Variants in PTPRD observed in about 807,000 individuals in gnomAD.
PTPRD encodes protein tyrosine phosphatase receptor type D.
PTPRD carries 34 observed loss-of-function variants against 214.5 expected under a neutral mutation model. The observed-to-expected ratio is 0.16, with a 90% CI of 0.12 to 0.21. The LOEUF is 0.21. Among genes scored for constraint, PTPRD ranks in the 10% least tolerant of loss-of-function variants. The pLI is 1.00. For missense variants in PTPRD, 2,545 were observed against 2,398.7 expected (o/e 1.06, Z -1.27); for synonymous variants, 1,128 against 845.7 (o/e 1.33, Z -5.79).
chr9:8,577,433 T>C (rs914065675), intron 14 of PTPRD, among the ~76,000 whole-genome samples: 7 of 152,062 alleles, frequency 4.6e-5, no homozygotes, highest in African/African-American at 1.7e-4. Context: ...AATTGTATTT[T>C]TAGTACAGAC....
intron 3 of PTPRD, among the ~76,000 whole-genome samples, chr9:10,294,882 T>C (rs1183239627): frequency 1.3e-5 from 2 of 151,924 alleles, no homozygotes; most frequent in South Asian, 2.1e-4. Context: ...TAATGGAAAA[T>C]AGGTTTTGGA....
chr9:10,262,173 A>G (rs1459902085), intron 3 of PTPRD, among the ~76,000 whole-genome samples: 1 of 152,156 alleles, frequency 6.6e-6, no homozygotes, highest in Non-Finnish European at 1.5e-5. Flanking sequence ...AGGTGAAATT[A>G]AAAGAAAAAT....
chr9:9,009,842 A>G (rs2099500729), intron 11 of PTPRD, among the ~76,000 whole-genome samples: 3 of 152,020 alleles, frequency 2.0e-5, no homozygotes. Context: ...GCTATAATTT[A>G]TACTAATCTT....
At chr9:8,477,073 A>T (rs1217311077) in intron 30 of PTPRD, among the ~76,000 whole-genome samples, 2 of 152,124 alleles carry the variant, frequency 1.3e-5, no homozygotes, top group African/African-American at 4.8e-5. Flanking sequence ...TGTGCCCTAC[A>T]AATTCATATC....
At chr9:10,568,858 T>A (rs555780601) in intron 2 of PTPRD, among the ~76,000 whole-genome samples, 11 of 152,144 alleles carry the variant, frequency 7.2e-5, no homozygotes, top group African/African-American at 2.4e-4. Flanking sequence ...GGACATACGC[T>A]TGGGCAAGGA....
intron 3 of PTPRD, among the ~76,000 whole-genome samples, chr9:10,225,469 G>C (rs544968481): frequency 6.0e-4 from 91 of 152,138 alleles, no homozygotes; most frequent in African/African-American, 2.1e-3. Flanking sequence ...TTTAATGTAA[G>C]ATCATAGAGG....
chr9:8,949,159 G>T (rs2099088476), intron 11 of PTPRD, among the ~76,000 whole-genome samples: 1 of 150,960 alleles, frequency 6.6e-6, no homozygotes, highest in Non-Finnish European at 1.5e-5. Context: ...GGGAGGTGGA[G>T]GGTGCAGTGA....
At chr9:9,930,787 T>C (rs1191631452) in intron 5 of PTPRD, among the ~76,000 whole-genome samples, 1 of 152,078 alleles carries the variant, frequency 6.6e-6, no homozygotes, top group African/African-American at 2.4e-5. Context: ...GAGCATAATA[T>C]GTATGTTTAT....
intron 7 of PTPRD, among the ~76,000 whole-genome samples, chr9:9,581,789 A>G (rs1477447628): frequency 1.3e-5 from 2 of 152,174 alleles, no homozygotes; most frequent in Non-Finnish European, 2.9e-5. Flanking sequence ...AAACTATCCT[A>G]TGAATAATGT....
intron 2 of PTPRD, among the ~76,000 whole-genome samples, chr9:10,374,081 G>C (rs964365232): frequency 2.0e-5 from 3 of 152,024 alleles, no homozygotes; most frequent in African/African-American, 7.2e-5. Context: ...AGATAAAGTA[G>C]TTATGTATAA....
chr9:9,176,619 C>T (rs1230608249), intron 10 of PTPRD, among the ~76,000 whole-genome samples: 1 of 152,104 alleles, frequency 6.6e-6, no homozygotes, highest in Non-Finnish European at 1.5e-5. Flanking sequence ...AGCCATGAGG[C>T]CTCTGCCCTC....
intron 2 of PTPRD, among the ~76,000 whole-genome samples, chr9:10,456,086 A>C (rs940168033): frequency 3.3e-5 from 5 of 151,922 alleles, no homozygotes; most frequent in African/African-American, 1.2e-4. Flanking sequence ...TATTACATAA[A>C]GATGAAATAC....
chr9:9,593,137 A>G (rs144598801), intron 7 of PTPRD, among the ~76,000 whole-genome samples: 36 of 111,414 alleles, frequency 3.2e-4, no homozygotes, highest in Middle Eastern at 8.9e-3. Context: ...AAAGGAAAGG[A>G]AAGGGAAAGA....
intron 2 of PTPRD, among the ~76,000 whole-genome samples, chr9:10,343,483 G>A (rs1443664789): frequency 1.3e-5 from 2 of 152,048 alleles, no homozygotes; most frequent in Non-Finnish European, 2.9e-5. Flanking sequence ...AATCCTTTGG[G>A]TATATACCCA....
At chr9:10,185,889 G>A (rs2099328262) in intron 3 of PTPRD, among the ~76,000 whole-genome samples, 1 of 152,008 alleles carries the variant, frequency 6.6e-6, no homozygotes, top group African/African-American at 2.4e-5. Context: ...TTGTGGAGAG[G>A]GCAAGTGTTT....
At chr9:10,203,135 A>G (rs2099438756) in intron 3 of PTPRD, among the ~76,000 whole-genome samples, 1 of 150,858 alleles carries the variant, frequency 6.6e-6, no homozygotes, top group Non-Finnish European at 1.5e-5. Context: ...TTCCTGAGAA[A>G]TCAGTTCCTG....
Position 8,485,342 on chromosome 9 carries a change from A to C in PTPRD, c.3056-18T>G. Reference sequence around the variant, plus strand: ...TGCAAACACTGCTGGAAAAGGAAAAACAGTGTATTTAAACTATTCTTAAAA... The same window carrying C: ...TGCAAACACTGCTGGAAAAGGAAAACCAGTGTATTTAAACTATTCTTAAAA... On this transcript the variant is annotated intron_variant, in intron 28 of 45. Transcript: ENST00000381196. 2.5e-6 allele frequency: 4 copies of C among 1,574,858 alleles called. 1 individual carries two copies. The highest frequency in any genetic ancestry group is 1.7e-4 in the Middle Eastern group (1 of 5,996).
At chr9:9,208,745 C>G (rs1047846926) in intron 9 of PTPRD, among the ~76,000 whole-genome samples, 1 of 151,350 alleles carries the variant, frequency 6.6e-6, no homozygotes, top group Non-Finnish European at 1.5e-5. Flanking sequence ...ATTAATGAAT[C>G]TAAAAGTTAA....
chr9:9,314,387 G>A (rs1427216350), intron 9 of PTPRD, among the ~76,000 whole-genome samples: 1 of 152,020 alleles, frequency 6.6e-6, no homozygotes, highest in Non-Finnish European at 1.5e-5. Flanking sequence ...TCAGTTCTGT[G>A]GTGTCAAACA....
Sources: allele counts gnomAD v4.1 joint callset (sites outside exome capture counted in the v4.1 genomes callset), GRCh38; gene constraint gnomAD v4.1.1; transcripts MANE v1.5; gene names NCBI Gene and HGNC (gene_info 2026-07-23, HGNC 2026-07-21).